GRM1: variants seen among roughly 807,000 people sequenced by gnomAD.
GRM1 encodes the protein metabotropic glutamate receptor 1.
A neutral mutation model predicts 90.9 loss-of-function variants in GRM1; 33 were observed. The observed-to-expected ratio is 0.36, with a 90% CI of 0.28 to 0.49. The LOEUF is 0.49. GRM1 is among the 20% of genes least tolerant of loss of function. GRM1 has a pLI of 0.99. For missense variants in GRM1, 1,190 were observed against 1,534.3 expected (o/e 0.78, Z 3.75); for synonymous variants, 700 against 613.2 (o/e 1.14, Z -2.09).
intron 2 of GRM1, chr6:146,159,902 T>A (rs556188164): frequency 6.0e-4 from 118 of 197,076 alleles, no homozygotes; most frequent in African/African-American, 3.7e-3. Flanking sequence ...GGTGACAGAG[T>A]GAGACCTTAA....
Position 146,030,133 on chromosome 6 carries a change from C to G in GRM1, c.616C>G (p.Pro206Ala). The G allele has an allele frequency of 6.2e-7, 1 of 1,614,088 alleles. No individual in the cohort carries two copies. The highest frequency in any genetic ancestry group is 8.5e-7 in the Non-Finnish European group (1 of 1,179,968). The part of the protein sequence containing the change: ...TLYKYFLRVV[P>A]SDTLQARAML... ...GTACAAATACTTCCTGAGGGTTGTC[C>G]CTTCTGACACTTTGCAGGCAAGGGC... Residue 206 changes from proline (P) to alanine (A), a missense_variant, in exon 1 of 8, where the codon CCT (proline) becomes GCT (alanine). Around this residue, in one of 10 missense-constraint regions of GRM1, gnomAD observed 46 missense variants for 116.1 expected, o/e 0.40. Transcript: ENST00000282753.
chr6:146,161,278 AG>A (rs1165824556), intron 2 of GRM1, among the ~76,000 whole-genome samples: 1 of 152,188 alleles, frequency 6.6e-6, no homozygotes, highest in Non-Finnish European at 1.5e-5. Flanking sequence ...CAAACCTGTG[AG>A]CTTCGGGGCA....
At chr6:146,165,183 A>G (rs1777865435) in intron 2 of GRM1, among the ~76,000 whole-genome samples, 1 of 152,116 alleles carries the variant, frequency 6.6e-6, no homozygotes, top group Non-Finnish European at 1.5e-5. Context: ...GAAATGGAGC[A>G]ATTGCTTTAT....
At chr6:146,256,148 A>G (rs1781470086) in intron 2 of GRM1, among the ~76,000 whole-genome samples, 1 of 152,198 alleles carries the variant, frequency 6.6e-6, no homozygotes, top group Non-Finnish European at 1.5e-5. Flanking sequence ...GGGATCTGCC[A>G]CTGTGAGCTA....
rs555308325 is a variant in GRM1, at chr6:146,296,937, C to T, written c.951-7674C>T. Reference sequence around the variant, plus strand: ...CTACGATTCATGAAGCCATCTTTCACATCACCAGATGGGTGTTAGAATCGA... The same window carrying T: ...CTACGATTCATGAAGCCATCTTTCATATCACCAGATGGGTGTTAGAATCGA... On this transcript the variant is annotated intron_variant, in intron 2 of 7. Transcript: ENST00000282753. Among the ~76,000 whole-genome samples the T allele has an allele frequency of 4.6e-5, 7 of 152,348 alleles. No homozygotes were observed. In the South Asian group the frequency reaches 1.4e-3, roughly 32 times the overall value.
chr6:146,435,064 A>G lies in GRM1; in HGVS notation c.*268A>G, dbSNP rs1332784324. On this transcript the variant is annotated 3_prime_UTR_variant, in exon 8 of 8. Coordinates refer to ENST00000282753, the MANE Select transcript of GRM1 (RefSeq NM_001278064.2). ...AGAAAGGGAATTCTGACAAAGCACAATTCCATATGGTATGTAACTTTTATC... is the reference window on the plus strand; with the variant it reads ...AGAAAGGGAATTCTGACAAAGCACAGTTCCATATGGTATGTAACTTTTATC... 8.7e-6 allele frequency: 5 copies of G among 576,404 alleles called. No homozygotes were observed. The highest frequency in any genetic ancestry group is 1.2e-5 in the Non-Finnish European group (4 of 322,476). The allele number at this position is 576,404 out of a possible 1,614,324, so 35.7% of individuals were successfully genotyped here.
chr6:146,029,563 G>C lies in GRM1; in HGVS notation c.46G>C (p.Val16Leu), dbSNP rs538460343. 1 of 1,614,102 alleles carries C rather than the reference G, an allele frequency of 6.2e-7. No individual in the cohort carries two copies. The highest frequency in any genetic ancestry group is 1.1e-5 in the South Asian group (1 of 91,068). Reference protein sequence around the residue: ...LFFFPAIFLEVSLLPRSPGRK... With the variant: ...LFFFPAIFLELSLLPRSPGRK... ...TTTTTTCCCAGCGATCTTTTTGGAG[G>C]TGTCCCTTCTCCCCAGAAGCCCCGG... The change falls in exon 1 of 8, where the codon GTG (valine) becomes CTG (leucine). Residue 16 changes from valine to leucine, a missense_variant. By Grantham distance (32) the Val-to-Leu change is conservative. This residue lies in a region of GRM1 where 44 missense variants were observed against 35.8 expected (regional missense o/e 1.23). Coordinates refer to ENST00000282753, the MANE Select transcript of GRM1 (RefSeq NM_001278064.2).
At chr6:146,426,746 G>C (rs1460659894) in intron 7 of GRM1, 4 of 657,458 alleles carry the variant, frequency 6.1e-6, no homozygotes, top group Non-Finnish European at 1.1e-5. Context: ...CATGCCATCA[G>C]AATGAAGAAT....
intron 7 of GRM1, among the ~76,000 whole-genome samples, chr6:146,419,372 A>G (rs1777907272): frequency 1.3e-5 from 2 of 152,220 alleles, no homozygotes; most frequent in African/African-American, 4.8e-5. Context: ...TAATTTATTT[A>G]CAGCATCAGG....
chr6:146,375,035 G>T (rs1478723477), intron 5 of GRM1, among the ~76,000 whole-genome samples: 1 of 151,646 alleles, frequency 6.6e-6, no homozygotes, highest in African/African-American at 2.4e-5. Flanking sequence ...TACTGTTTTT[G>T]CTATCCACAC....
chr6:146,100,260 G>T (rs1402232370), intron 1 of GRM1, among the ~76,000 whole-genome samples: 1 of 152,074 alleles, frequency 6.6e-6, no homozygotes, highest in Non-Finnish European at 1.5e-5. Flanking sequence ...AGTTTACTGT[G>T]TATTGAGTAT....
intron 7 of GRM1, among the ~76,000 whole-genome samples, chr6:146,431,762 T>A (rs1778417249): frequency 6.6e-6 from 1 of 152,098 alleles, no homozygotes; most frequent in South Asian, 2.1e-4. Context: ...TGATGCAAAT[T>A]ATTGAGTTGG....
chr6:146,259,094 C>G (rs1443773976), intron 2 of GRM1, among the ~76,000 whole-genome samples: 1 of 152,130 alleles, frequency 6.6e-6, no homozygotes, highest in Non-Finnish European at 1.5e-5. Context: ...TGGACTGGTC[C>G]CATCACCTGG....
rs75323119 is a variant in GRM1 at position 146,421,027 on chromosome 6, A to G, written c.2661-12845A>G. On this transcript the variant is annotated intron_variant, in intron 7 of 7. Coordinates refer to ENST00000282753, the MANE Select transcript of GRM1 (RefSeq NM_001278064.2). Reference sequence around the variant, plus strand: ...ATCTTTGAAAATTGCCATAATAAAAAGTTAATTTTAAAAATGTCTAAAAAC... The same window carrying G: ...ATCTTTGAAAATTGCCATAATAAAAGGTTAATTTTAAAAATGTCTAAAAAC... Among the ~76,000 whole-genome samples the G allele has an allele frequency of 4.1e-3, 621 of 152,278 alleles. 13 individuals are homozygous for G. The East Asian group carries it at 0.077, about 19-fold the overall frequency.
chr6:146,248,942 T>C (rs898072351), intron 2 of GRM1, among the ~76,000 whole-genome samples: 4 of 152,170 alleles, frequency 2.6e-5, no homozygotes, highest in East Asian at 1.9e-4. Flanking sequence ...TCAGCATTTT[T>C]CCCCTGCCCT....
intron 1 of GRM1, among the ~76,000 whole-genome samples, chr6:146,070,500 A>T (rs931068006): frequency 6.6e-6 from 1 of 152,136 alleles, no homozygotes; most frequent in African/African-American, 2.4e-5. Flanking sequence ...AAGCTTTTGC[A>T]TTTCCAATTG....
At chr6:146,356,633 C>T (rs532127498) in intron 4 of GRM1, among the ~76,000 whole-genome samples, 1 of 152,204 alleles carries the variant, frequency 6.6e-6, no homozygotes, top group South Asian at 2.1e-4. Context: ...TTTTACATGT[C>T]TATCTTAATA....
intron 7 of GRM1, among the ~76,000 whole-genome samples, chr6:146,417,401 T>C (rs1356442104): frequency 1.3e-5 from 2 of 152,190 alleles, no homozygotes; most frequent in Non-Finnish European, 2.9e-5. Flanking sequence ...CCTTTTATAT[T>C]ATATCTACCA....
At chr6:146,326,979 G>A (rs575110352) in intron 3 of GRM1, among the ~76,000 whole-genome samples, 1 of 152,218 alleles carries the variant, frequency 6.6e-6, no homozygotes, top group South Asian at 2.1e-4. Context: ...AAGTTTTAAA[G>A]ATTTACAGGA....
Sources: allele counts gnomAD v4.1 joint callset (sites outside exome capture counted in the v4.1 genomes callset), GRCh38; gene constraint gnomAD v4.1.1; regional missense constraint gnomAD v4.1.1; transcripts MANE v1.5; gene names NCBI Gene and HGNC (gene_info 2026-07-23, HGNC 2026-07-21).